The following RAP1GDS1 variants were observed in gnomAD, a reference collection of about 807,000 sequenced individuals.
The protein encoded by RAP1GDS1 is Rap1 GTPase-GDP dissociation stimulator 1, also known as RAP1, GTP-GDP dissociation stimulator 1.
In RAP1GDS1, 35 loss-of-function variants were observed where a neutral mutation model predicts 71.1. The observed-to-expected ratio is 0.49, with a 90% CI of 0.38 to 0.65. The LOEUF is 0.65. Ranked by LOEUF, RAP1GDS1 falls within the 30% of genes least tolerant of loss-of-function variation. The pLI, the probability that RAP1GDS1 is intolerant of heterozygous loss-of-function variation, is 0.00. For synonymous variants in RAP1GDS1, 229 were observed against 243.1 expected, an observed-to-expected ratio of 0.94 and a Z score of 0.54; for missense variants, 663 against 706.1, an observed-to-expected ratio of 0.94 and a Z score of 0.69.
In RAP1GDS1 at chr4:98,381,836, TA is replaced by T. The variant is rs560311916; in HGVS notation, c.508+2682del. ...GTATAAAATGTTTAAAGTATGCTTA[TA>T]AAAAAAAAGTACTGAGAGTGGTCAC... On this transcript the variant is annotated intron_variant, in intron 5 of 14. Coordinates refer to ENST00000408927, the MANE Select transcript of RAP1GDS1 (RefSeq NM_001100427.2). Among the ~76,000 whole-genome samples, 13 of 150,428 alleles carry T rather than the reference TA, an allele frequency of 8.6e-5. 1 individual carries two copies. The South Asian group carries it at 2.7e-3, about 32-fold the overall frequency.
intron 6 of RAP1GDS1, among the ~76,000 whole-genome samples, chr4:98,397,892 T>G (rs1744784464): frequency 6.6e-6 from 1 of 152,128 alleles, no homozygotes. Flanking sequence ...GAACCACAGT[T>G]TTATTGCCCC....
At position 98,363,883 on chromosome 4, in the gene RAP1GDS1, A is replaced by G. The variant is rs557905613; in HGVS notation, c.361+11282A>G. Among the ~76,000 whole-genome samples the G allele has an allele frequency of 6.5e-4, 99 of 152,166 alleles. 2 individuals carry two copies. Among genetic ancestry groups the G allele is most frequent in the Non-Finnish European group, 3.2e-4 (22 of 68,034 alleles). On this transcript the variant is annotated intron_variant, in intron 4 of 14. Coordinates refer to ENST00000408927, the MANE Select transcript of RAP1GDS1 (RefSeq NM_001100427.2). ...TAGTGTGGAAGGAGGAGGAACTTAGAAAGTATTTGGAGTGATGGATTGGAT... is the reference window on the plus strand; with the variant it reads ...TAGTGTGGAAGGAGGAGGAACTTAGGAAGTATTTGGAGTGATGGATTGGAT...
chr4:98,280,733 AT>A (rs765988784), intron 1 of RAP1GDS1, among the ~76,000 whole-genome samples: 7 of 152,126 alleles, frequency 4.6e-5, no homozygotes, highest in Admixed American at 3.9e-4. Context: ...TAGAGTTTTT[AT>A]GGTTTTAGGT....
At chr4:98,327,306 C>G (rs540278115) in intron 2 of RAP1GDS1, among the ~76,000 whole-genome samples, 5 of 152,010 alleles carry the variant, frequency 3.3e-5, no homozygotes, top group Non-Finnish European at 7.4e-5. Context: ...TACAGGAAAA[C>G]AAAGGTTTTT....
At chr4:98,373,153 T>G (rs1299459563) in intron 4 of RAP1GDS1, among the ~76,000 whole-genome samples, 2 of 152,244 alleles carry the variant, frequency 1.3e-5, no homozygotes, top group African/African-American at 4.8e-5. Context: ...CATAACAGGT[T>G]TATTGCAATG....
intron 10 of RAP1GDS1, among the ~76,000 whole-genome samples, chr4:98,419,696 T>C (rs140572490): frequency 5.9e-5 from 9 of 152,364 alleles, no homozygotes; most frequent in African/African-American, 2.2e-4. Flanking sequence ...AACGGAATTG[T>C]GCTTTTTGTT....
intron 2 of RAP1GDS1, among the ~76,000 whole-genome samples, chr4:98,339,871 A>G (rs1735239679): frequency 6.6e-6 from 1 of 152,362 alleles, no homozygotes; most frequent in Admixed American, 6.5e-5. Flanking sequence ...GTGGGAATGT[A>G]AATAGTTCAG....
In RAP1GDS1 at chr4:98,391,381, CT is replaced by C. The variant is rs1366388446; in HGVS notation, c.509-563del. 7.2e-5 allele frequency among the ~76,000 whole-genome samples: 11 copies of C among 152,074 alleles called. No homozygotes were observed. The South Asian group carries it at 2.3e-3, about 32-fold the overall frequency. ...TTAAAAAGAAAAATATTTTAGGTAA[CT>C]TTTTTTTCTGGTACATCTCTTCCTA... On this transcript the variant is annotated intron_variant, in intron 5 of 14. Coordinates refer to ENST00000408927, the MANE Select transcript of RAP1GDS1 (RefSeq NM_001100427.2).
At chr4:98,366,914 CCTGA>C (rs1358522066) in intron 4 of RAP1GDS1, among the ~76,000 whole-genome samples, 7 of 152,288 alleles carry the variant, frequency 4.6e-5, no homozygotes, top group African/African-American at 7.2e-5. Context: ...AAATATGCAG[CCTGA>C]CTATGTGACA....
At chr4:98,312,674 AATGTGTGTGTGC>A (rs1439389978) in intron 2 of RAP1GDS1, among the ~76,000 whole-genome samples, 2 of 151,876 alleles carry the variant, frequency 1.3e-5, no homozygotes, top group African/African-American at 4.8e-5. Context: ...GAACCAATGG[AATGTGTGTGTGC>A]ATGTGTGTAT....
At chr4:98,263,089 G>A (rs1722255100) in intron 1 of RAP1GDS1, among the ~76,000 whole-genome samples, 1 of 152,062 alleles carries the variant, frequency 6.6e-6, no homozygotes, top group Non-Finnish European at 1.5e-5. Flanking sequence ...GTATATTTCC[G>A]TCGAACATAC....
chr4:98,375,787 A>G (rs1459119196), intron 4 of RAP1GDS1, among the ~76,000 whole-genome samples: 1 of 152,312 alleles, frequency 6.6e-6, no homozygotes, highest in South Asian at 2.1e-4. Context: ...AGTACCTACT[A>G]TATACTAGGC....
rs1316114304 is a variant in RAP1GDS1, at chr4:98,279,378, T to A, written c.5-14030T>A. On this transcript the variant is annotated intron_variant, in intron 1 of 14. Transcript: ENST00000408927. ...GAATTACATAAATGATATATAATTT[T>A]AAAATTTTAAGATAATTACATTTAA... is the stretch of plus-strand genomic sequence containing the variant. 3.9e-5 allele frequency among the ~76,000 whole-genome samples: 6 copies of A among 151,916 alleles called. No homozygotes were observed. The East Asian group carries it at 9.7e-4, about 24-fold the overall frequency.
rs543199019 is a variant in RAP1GDS1 at position 98,443,015 on chromosome 4, A to ATTTTTTTTTCTT, written c.*907_*908insCTTTTTTTTTTT. The ATTTTTTTTTCTT allele has an allele frequency of 7.0e-4, 97 of 138,304 alleles. 1 individual carries two copies. The highest frequency in any genetic ancestry group is 1.8e-3 in the African/African-American group (45 of 25,346). 8.6% of individuals were successfully genotyped at this position (138,304 alleles called of 1,614,324 possible). Reference sequence around the variant, plus strand: ...TGAGTATAGTTCATTGAAGAATGGAATTTTTTTTTTTTTTTTTTTTTTTGC... The same window carrying ATTTTTTTTTCTT: ...TGAGTATAGTTCATTGAAGAATGGAATTTTTTTTTCTTTTTTTTTTTTTTTTTTTTTTTTTGC... On this transcript the variant is annotated 3_prime_UTR_variant, in exon 15 of 15. Coordinates refer to ENST00000408927, the MANE Select transcript of RAP1GDS1 (RefSeq NM_001100427.2).
intron 2 of RAP1GDS1, among the ~76,000 whole-genome samples, chr4:98,297,563 A>T (rs1417223338): frequency 6.6e-6 from 1 of 152,064 alleles, no homozygotes; most frequent in Admixed American, 6.6e-5. Context: ...TGATGTTACT[A>T]TTGTGATTGT....
intron 4 of RAP1GDS1, among the ~76,000 whole-genome samples, chr4:98,375,209 C>T (rs1257546719): frequency 6.6e-6 from 1 of 152,094 alleles, no homozygotes; most frequent in Non-Finnish European, 1.5e-5. Flanking sequence ...CCCAGGTGTT[C>T]TTTGGCTTAT....
At chr4:98,365,749 A>G (rs1739397060) in intron 4 of RAP1GDS1, among the ~76,000 whole-genome samples, 1 of 152,092 alleles carries the variant, frequency 6.6e-6, no homozygotes, top group Non-Finnish European at 1.5e-5. Context: ...CTTTTGTTCG[A>G]TTTTTACTGA....
intron 9 of RAP1GDS1, among the ~76,000 whole-genome samples, chr4:98,417,782 T>C (rs1242154719): frequency 6.6e-6 from 1 of 152,210 alleles, no homozygotes; most frequent in Non-Finnish European, 1.5e-5. Context: ...CTAGTATACA[T>C]CTGCTTTCTT....
intron 1 of RAP1GDS1, among the ~76,000 whole-genome samples, chr4:98,286,694 G>C (rs1347290239): frequency 6.6e-6 from 1 of 151,948 alleles, no homozygotes. Flanking sequence ...AGACCAGCCT[G>C]GTCAACATGG....
Sources: allele counts gnomAD v4.1 joint callset (sites outside exome capture counted in the v4.1 genomes callset), GRCh38; gene constraint gnomAD v4.1.1; transcripts MANE v1.5; gene names NCBI Gene and HGNC (gene_info 2026-07-23, HGNC 2026-07-21).